The following ABCD3 variants were observed in gnomAD, a reference collection of about 807,000 sequenced individuals.
ABCD3 encodes the protein ATP-binding cassette sub-family D member 3.
In ABCD3, 41 loss-of-function variants were observed where a neutral mutation model predicts 105.5. The observed-to-expected ratio is 0.39, with a 90% CI of 0.30 to 0.50. The LOEUF is 0.50. ABCD3 is among the 20% of genes least tolerant of loss of function. The pLI, the probability that ABCD3 is intolerant of heterozygous loss-of-function variation, is 0.84. For synonymous variants in ABCD3, 258 were observed against 269.0 expected (o/e 0.96, Z 0.40); for missense variants, 622 against 806.3 (o/e 0.77, Z 2.77).
intron 2 of ABCD3, among the ~76,000 whole-genome samples, chr1:94,463,846 G>A (rs1299485545): frequency 6.6e-6 from 1 of 152,012 alleles, no homozygotes; most frequent in African/African-American, 2.4e-5. Flanking sequence ...TCCTTTATAA[G>A]CCCTGCCTAC....
At chr1:94,451,760 G>T (rs952819199) in intron 1 of ABCD3, among the ~76,000 whole-genome samples, 2 of 151,990 alleles carry the variant, frequency 1.3e-5, no homozygotes, top group African/African-American at 4.8e-5. Context: ...ATTCTTTATT[G>T]TAGTCAGTGA....
At position 94,480,522 on chromosome 1, in the gene ABCD3, G is replaced by A. The variant is rs750708509; in HGVS notation, c.743G>A (p.Arg248Gln). The A allele has an allele frequency of 1.9e-6, 3 of 1,613,818 alleles. No individual in the cohort carries two copies. Among genetic ancestry groups the A allele is most frequent in the Non-Finnish European group, 2.5e-6 (3 of 1,179,838 alleles). The stretch of plus-strand genomic sequence containing the variant: ...TCTGGGCTATTCCTAACTCGACTTC[G>A]AAGACCCATTGGTAAGATGACAATA... ...VVSGLFLTRL[R>Q]RPIGKMTITE... Residue 248 changes from arginine to glutamine, a missense_variant, in exon 9 of 23, where the codon CGA (arginine) becomes CAA (glutamine). Physicochemically the swap from Arg to Gln is conservative, Grantham distance 43. Coordinates refer to ENST00000370214, the MANE Select transcript of ABCD3 (RefSeq NM_002858.4).
chr1:94,464,991 C>A, intron 3 of ABCD3, 118 bp downstream of exon 3: 1 of 874,252 alleles, frequency 1.1e-6, no homozygotes, highest in Non-Finnish European at 1.9e-6. Context: ...GCAGGCTGTA[C>A]AAGCATGGCA....
In ABCD3 at chr1:94,489,910, A is replaced by AGG; in HGVS notation, c.1258_1259dup (p.Val421GlufsTer7). The stretch of plus-strand genomic sequence containing the variant: ...ACCTATTTTCCATTTAAGGTATTGA[A>AGG]GGAGTACAAGTCATTCCCTTGATAC... On this transcript the variant is annotated frameshift_variant, in exon 15 of 23. Transcript: ENST00000370214. LOFTEE classifies it high-confidence loss of function. 1 of 1,613,184 alleles carries AGG rather than the reference A, an allele frequency of 6.2e-7. No homozygotes were observed. Among genetic ancestry groups the AGG allele is most frequent in the Non-Finnish European group, 8.5e-7 (1 of 1,179,314 alleles).
chr1:94,512,573 G>C (rs1650733312), intron 21 of ABCD3, among the ~76,000 whole-genome samples: 1 of 151,680 alleles, frequency 6.6e-6, no homozygotes, highest in South Asian at 2.1e-4. Flanking sequence ...CTAAACATTA[G>C]AGTTTTTTTA....
At chr1:94,446,360 AC>A (rs35528748) in intron 1 of ABCD3, among the ~76,000 whole-genome samples, 4,515 of 152,306 alleles carry the variant, frequency 0.03, 89 homozygotes, top group Middle Eastern at 0.044. Flanking sequence ...GAGTCTGTGG[AC>A]CCTTGCCAGC....
chr1:94,462,188 C>CT (rs927285074), intron 2 of ABCD3, among the ~76,000 whole-genome samples: 8 of 151,720 alleles, frequency 5.3e-5, no homozygotes, highest in Non-Finnish European at 1.0e-4. Context: ...CCACAGTGGT[C>CT]TTTTTTTTAT....
chr1:94,484,999 T>C (rs967617545), intron 10 of ABCD3, among the ~76,000 whole-genome samples: 5 of 152,178 alleles, frequency 3.3e-5, no homozygotes, highest in African/African-American at 1.2e-4. Context: ...CTTGCAACTA[T>C]TCAGCTCCGC....
At chr1:94,486,181 G>T (rs1344730205) in intron 10 of ABCD3, among the ~76,000 whole-genome samples, 1 of 152,106 alleles carries the variant, frequency 6.6e-6, no homozygotes, top group Non-Finnish European at 1.5e-5. Flanking sequence ...GACAGAGTGA[G>T]ACTCTGTCTC....
At chr1:94,425,358 A>G (rs1038601943) in intron 1 of ABCD3, among the ~76,000 whole-genome samples, 1 of 152,220 alleles carries the variant, frequency 6.6e-6, no homozygotes, top group Non-Finnish European at 1.5e-5. Flanking sequence ...ATTTCCCTGT[A>G]CATGACCTTC....
chr1:94,429,593 C>G (rs764044211), intron 1 of ABCD3, among the ~76,000 whole-genome samples: 11 of 152,216 alleles, frequency 7.2e-5, no homozygotes, highest in Non-Finnish European at 1.5e-4. Flanking sequence ...AGGTATATCT[C>G]AGGCTGTGGC....
chr1:94,507,261 A>C (rs1570836134), intron 21 of ABCD3, among the ~76,000 whole-genome samples: 1 of 151,976 alleles, frequency 6.6e-6, no homozygotes, highest in Non-Finnish European at 1.5e-5. Context: ...TGTTCTTGCG[A>C]AAGTTTACTG....
chr1:94,478,415 C>A, intron 8 of ABCD3, 100 bp downstream of exon 8: 3 of 1,161,842 alleles, frequency 2.6e-6, no homozygotes, highest in Non-Finnish European at 3.8e-6. Flanking sequence ...TTGTAGATCT[C>A]AAAGAATGTA....
chr1:94,390,337 C>CTG, the ABCD3 span, among the ~76,000 whole-genome samples: 1 of 152,028 alleles, frequency 6.6e-6, no homozygotes, highest in Non-Finnish European at 1.5e-5. Context: ...GACTCTCGTT[C>CTG]TGTCACCCAG....
intron 1 of ABCD3, among the ~76,000 whole-genome samples, chr1:94,439,609 C>T (rs1343956372): frequency 1.3e-5 from 2 of 152,022 alleles, no homozygotes; most frequent in Non-Finnish European, 2.9e-5. Flanking sequence ...CCAGCCTGGG[C>T]AACAGAGCGA....
intron 7 of ABCD3, among the ~76,000 whole-genome samples, chr1:94,477,158 AT>A (rs1303113158): frequency 8.4e-6 from 1 of 119,026 alleles, no homozygotes. Context: ...ATGAGTCATT[AT>A]TTTTGTCATA....
intron 1 of ABCD3, among the ~76,000 whole-genome samples, chr1:94,434,824 G>A (rs927161689): frequency 2.6e-5 from 4 of 152,160 alleles, no homozygotes; most frequent in Admixed American, 2.6e-4. Context: ...CACTGCAGAA[G>A]CCTTCCACAT....
At chr1:94,480,269 A>G in intron 8 of ABCD3, 195 bp from the exon 9 acceptor site, 1 of 625,780 alleles carries the variant, frequency 1.6e-6, no homozygotes, top group South Asian at 2.0e-5. Context: ...TGGTAAGAGG[A>G]AAAGCCCATG....
At chr1:94,487,859 ATAAG>A (rs1490037791) in intron 12 of ABCD3, 29 bp from the exon 13 acceptor site, 2 of 1,607,182 alleles carry the variant, frequency 1.2e-6, no homozygotes, top group Non-Finnish European at 1.7e-6. Context: ...TCATAGAACT[ATAAG>A]TAAAAACTAA....
Sources: allele counts gnomAD v4.1 joint callset (sites outside exome capture counted in the v4.1 genomes callset), GRCh38; gene constraint gnomAD v4.1.1; transcripts MANE v1.5; gene names NCBI Gene and HGNC (gene_info 2026-07-23, HGNC 2026-07-21).